The following TNC variants were observed in gnomAD, a reference collection of about 807,000 sequenced individuals.
TNC encodes the protein tenascin C, also known as tenascin.
Under a neutral mutation model 202.4 loss-of-function variants are expected in TNC, and 109 were observed. The ratio of observed to expected loss-of-function variants is 0.54; its 90% CI spans 0.46 to 0.63. TNC has a LOEUF of 0.63. TNC is among the 30% of genes least tolerant of loss of function. The pLI, the probability that TNC is intolerant of heterozygous loss-of-function variation, is 0.00. For missense variants in TNC, 2,756 were observed against 2,833.3 expected (o/e 0.97, Z 0.62); for synonymous variants, 1,007 against 1,089.7 (o/e 0.92, Z 1.50).
intron 5 of TNC, among the ~76,000 whole-genome samples, chr9:115,082,462 GACA>G (rs986859334): frequency 3.8e-4 from 58 of 152,314 alleles, no homozygotes; most frequent in African/African-American, 1.4e-3. Context: ...ACCTTGAGGT[GACA>G]ACTTCTATTT....
At position 115,031,633 on chromosome 9, in the gene TNC, G is replaced by T. The variant is rs1829954673; in HGVS notation, c.5840C>A (p.Pro1947Gln). Residue 1947 changes from proline (P) to glutamine (Q), a missense_variant, in exon 23 of 28, where the codon CCA becomes CAA. Pro to Gln is a moderately conservative substitution (Grantham distance 76). Around this residue, in one of 2 missense-constraint regions of TNC, gnomAD observed 2,559 missense variants for 2,546.0 expected, o/e 1.01. Coordinates refer to ENST00000350763, the MANE Select transcript of TNC (RefSeq NM_002160.4). The stretch of plus-strand genomic sequence containing the variant: ...GATCTTGGCTGTGTAGTGGGTGGAT[G>T]GGCTCAGGTCTGCCAGGCTGTAGGA... ...TTSYSLADLS[P>Q]STHYTAKIQA... 6.2e-7 allele frequency: 1 copy of T among 1,612,570 alleles called. No individual in the cohort carries two copies.
At position 115,082,796 on chromosome 9, in the gene TNC, G is replaced by T; in HGVS notation, c.2143C>A (p.Pro715Thr). The T allele has an allele frequency of 1.9e-6, 3 of 1,613,016 alleles. No homozygotes were observed. The highest frequency in any genetic ancestry group is 2.5e-6 in the Non-Finnish European group (3 of 1,179,018). Residue 715 changes from proline (P) to threonine (T), a missense_variant, in exon 5 of 28, where the codon CCT (proline) becomes ACT (threonine). Pro to Thr is a conservative substitution (Grantham distance 38). Around this residue, in one of 2 missense-constraint regions of TNC, gnomAD observed 2,559 missense variants for 2,546.0 expected, o/e 1.01. Transcript: ENST00000350763. ...SARVATYLPA[P>T]EGLKFKSIKE... ...ATGGACTTGAATTTCAGGCCTTCAG[G>T]TGCAGGTAAGTCTGTAAGTAACAAC...
At chr9:115,032,564 C>T (rs1437029395) in intron 22 of TNC, among the ~76,000 whole-genome samples, 1 of 152,154 alleles carries the variant, frequency 6.6e-6, no homozygotes, top group South Asian at 2.1e-4. Context: ...CAATATGATG[C>T]CTGGGCCTCA....
intron 13 of TNC, 21 bp from the exon 14 acceptor site, chr9:115,060,023 AT>A (rs776979243): frequency 2.4e-5 from 38 of 1,594,478 alleles, no homozygotes; most frequent in Non-Finnish European, 2.9e-5. Flanking sequence ...ACAGAAAAGT[AT>A]TTGTCAGTTC....
chr9:115,109,480 T>C (rs1009872375), intron 1 of TNC, among the ~76,000 whole-genome samples: 1 of 152,252 alleles, frequency 6.6e-6, no homozygotes, highest in African/African-American at 2.4e-5. Flanking sequence ...TATTCATTTC[T>C]TCTTGTGGGC....
At chr9:115,075,093 T>C (rs1833741210) in intron 9 of TNC, among the ~76,000 whole-genome samples, 1 of 152,128 alleles carries the variant, frequency 6.6e-6, no homozygotes, top group South Asian at 2.1e-4. Flanking sequence ...ATCTCCTCTT[T>C]ACACACTAGC....
At chr9:115,047,475 T>C (rs1226088242) in intron 16 of TNC, among the ~76,000 whole-genome samples, 2 of 152,160 alleles carry the variant, frequency 1.3e-5, no homozygotes, top group African/African-American at 4.8e-5. Context: ...AAAGTATCCT[T>C]TGTCAAATAA....
chr9:115,057,390 C>T lies in TNC; in HGVS notation c.4342G>A (p.Asp1448Asn), dbSNP rs774897746. ...AGATTGAAGCTCTCGGGAGTTATGT[C>T]AGAAACATTTAAGTTTCCAATTTCA... Reference protein sequence around the residue: ...EPEIGNLNVSDITPESFNLSW... With the variant: ...EPEIGNLNVSNITPESFNLSW... Residue 1448 changes from aspartate (D) to asparagine (N), a missense_variant, in exon 15 of 28, where the codon GAC (aspartate) becomes AAC (asparagine). Transcript: ENST00000350763. 1 of 1,612,748 alleles carries T rather than the reference C, an allele frequency of 6.2e-7. No homozygotes were observed. The highest frequency in any genetic ancestry group is 1.7e-5 in the Admixed American group (1 of 59,980).
rs1004391226 is a variant in TNC, at chr9:115,064,090, GT to G, written c.3488-23del. 3 of 1,575,136 alleles carry G rather than the reference GT, an allele frequency of 1.9e-6. No homozygotes were observed. In the African/African-American group the frequency reaches 4.1e-5, roughly 21 times the overall value. On this transcript the variant is annotated intron_variant, in intron 11 of 27. Transcript: ENST00000350763. ...TCCCCTGGAGAAGGACAAAGAACTA[GT>G]TTAGTGATCAAATCACACAACAAGA...
chr9:115,086,903 G>A lies in TNC; in HGVS notation c.828C>T (p.Gly276=), dbSNP rs753044795. Residue 276 remains glycine, a synonymous_variant, in exon 3 of 28, where the codon GGC becomes GGT. Coordinates refer to ENST00000350763, the MANE Select transcript of TNC (RefSeq NM_002160.4). ...GLCVCHDGFA[G]DDCNKPLCLN... is the part of the protein sequence containing the mutation. ...GACACAGAGGCTTGTTGCAGTCATC[G>A]CCTGCAAAGCCATCGTGGCACACAC... 1.4e-5 allele frequency: 22 copies of A among 1,613,974 alleles called. No individual in the cohort carries two copies. The highest frequency in any genetic ancestry group is 2.2e-5 in the South Asian group (2 of 91,082).
intron 19 of TNC, among the ~76,000 whole-genome samples, chr9:115,038,708 T>A (rs562837518): frequency 2.2e-4 from 34 of 152,366 alleles, no homozygotes; most frequent in African/African-American, 7.9e-4. Context: ...GCTGAACACA[T>A]GACAAGAATT....
At chr9:115,085,784 T>A in intron 3 of TNC, 80 bp downstream of exon 3, 4 of 1,284,218 alleles carry the variant, frequency 3.1e-6, no homozygotes, top group Non-Finnish European at 4.3e-6. Flanking sequence ...TGTTTATATA[T>A]ATAAACGTAG....
chr9:115,086,483 G>A lies in TNC; in HGVS notation c.1248C>T (p.Gly416=), dbSNP rs1159001272. 6.2e-7 allele frequency: 1 copy of A among 1,613,650 alleles called. No individual in the cohort carries two copies. The highest frequency in any genetic ancestry group is 2.2e-5 in the East Asian group (1 of 44,850). ...ACACACACTGCCCATTGACACAGCGGCCATGGCCACTGCAGCCATTGGGAC... is the reference window on the plus strand; with the variant it reads ...ACACACACTGCCCATTGACACAGCGACCATGGCCACTGCAGCCATTGGGAC... ...LKCPNGCSGH[G]RCVNGQCVCD... is the part of the protein sequence containing the mutation. The change falls in exon 3 of 28, where the codon GGC becomes GGT. Residue 416 remains glycine (G), a synonymous_variant. Transcript: ENST00000350763.
chr9:115,080,680 G>T (rs1034067843), intron 6 of TNC, among the ~76,000 whole-genome samples: 2 of 152,124 alleles, frequency 1.3e-5, no homozygotes, highest in African/African-American at 4.8e-5. Flanking sequence ...GGAGGCCGAG[G>T]CGGGTGGATC....
At chr9:115,114,059 T>G (rs1003963936) in intron 1 of TNC, among the ~76,000 whole-genome samples, 1 of 152,178 alleles carries the variant, frequency 6.6e-6, no homozygotes, top group African/African-American at 2.4e-5. Context: ...GGTAGGTAAG[T>G]TCACCATCTC....
intron 10 of TNC, 134 bp downstream of exon 10, chr9:115,073,469 G>A (rs1189374171): frequency 2.8e-5 from 29 of 1,054,442 alleles, no homozygotes; most frequent in Non-Finnish European, 3.7e-5. Flanking sequence ...TCAAAGTGGT[G>A]TTCAGGGGCT....
chr9:115,024,044 C>G lies in TNC; in HGVS notation c.6424G>C (p.Gly2142Arg). ...AITNCALSYK[G>R]AFWYRNCHRV... ...TGACAGTTCCTGTACCAGAAAGCCC[C>G]TTTGTAGGACAGAGCACAGTTGGTG... is the stretch of plus-strand genomic sequence containing the variant. Residue 2142 changes from glycine (G) to arginine (R), a missense_variant, in exon 27 of 28, where the codon GGG becomes CGG. This residue lies in a region of TNC where 197 missense variants were observed against 287.3 expected (regional missense o/e 0.69). Transcript: ENST00000350763. The G allele has an allele frequency of 6.2e-7, 1 of 1,614,124 alleles. No individual in the cohort carries two copies. Among genetic ancestry groups the G allele is most frequent in the Non-Finnish European group, 8.5e-7 (1 of 1,179,986 alleles).
intron 1 of TNC, among the ~76,000 whole-genome samples, chr9:115,110,176 A>G (rs1836932180): frequency 6.6e-6 from 1 of 152,232 alleles, no homozygotes; most frequent in Non-Finnish European, 1.5e-5. Context: ...AACATAAAAA[A>G]GGATATTCTA....
At chr9:115,038,840 T>G (rs559308350) in intron 19 of TNC, among the ~76,000 whole-genome samples, 2 of 152,106 alleles carry the variant, frequency 1.3e-5, no homozygotes, top group South Asian at 4.1e-4. Flanking sequence ...TTCTTTTCTT[T>G]TTTTTGAGAC....
Sources: allele counts gnomAD v4.1 joint callset (sites outside exome capture counted in the v4.1 genomes callset), GRCh38; gene constraint gnomAD v4.1.1; regional missense constraint gnomAD v4.1.1; transcripts MANE v1.5; gene names NCBI Gene and HGNC (gene_info 2026-07-23, HGNC 2026-07-21).